The following ZNF827 variants were observed in gnomAD, a reference collection of about 807,000 sequenced individuals.
ZNF827 encodes the protein zinc finger protein 827.
ZNF827 carries 13 observed loss-of-function variants against 102.4 expected under a neutral mutation model. The observed-to-expected ratio is 0.13, with a 90% confidence interval of 0.08 to 0.20. The LOEUF is 0.20. Among genes scored for constraint, ZNF827 ranks in the 10% least tolerant of loss-of-function variants. ZNF827 has a pLI of 1.00. For missense variants in ZNF827, 1,103 were observed against 1,344.4 expected (o/e 0.82, Z 2.81); for synonymous variants, 523 against 536.2 (o/e 0.98, Z 0.34).
rs1336737851 is a variant in ZNF827, at chr4:145,760,693, CTGCTGGGGTTGTGTT to C, written c.*908_*922del. Reference sequence around the variant, plus strand: ...CTGTAGGTTTTGCAGCAACATACACCTGCTGGGGTTGTGTTTAAGTTTTGTGGTTTTTTTTTTTTT... The same window carrying C: ...CTGTAGGTTTTGCAGCAACATACACCTAAGTTTTGTGGTTTTTTTTTTTTT... On this transcript the variant is annotated 3_prime_UTR_variant, in exon 15 of 15. Coordinates refer to ENST00000508784, the MANE Select transcript of ZNF827 (RefSeq NM_001306215.2). 2.0e-6 allele frequency: 2 copies of C among 987,030 alleles called. No homozygotes were observed. Among genetic ancestry groups the C allele is most frequent in the Non-Finnish European group, 2.5e-6 (2 of 794,502 alleles). 61.1% of individuals were successfully genotyped at this position (987,030 alleles called of 1,614,324 possible). A position where few individuals can be genotyped will look rare whatever the true frequency, so the allele number is the denominator to read the frequency against.
intron 4 of ZNF827, 47 bp from the exon 5 acceptor site, chr4:145,870,525 C>G: frequency 1.3e-6 from 2 of 1,515,634 alleles, no homozygotes; most frequent in African/African-American, 2.7e-5. Flanking sequence ...AGGCCACTCC[C>G]CTCCTTAGCT....
At chr4:145,903,289 G>A (rs1190365779) in intron 1 of ZNF827, 74 bp from the exon 2 acceptor site, 22 of 1,505,362 alleles carry the variant, frequency 1.5e-5, no homozygotes, top group Non-Finnish European at 1.9e-5. Context: ...TCAAATGGAG[G>A]TGATGACATG....
intron 5 of ZNF827, among the ~76,000 whole-genome samples, chr4:145,853,783 T>A (rs1013412600): frequency 1.3e-5 from 2 of 151,990 alleles, no homozygotes; most frequent in Non-Finnish European, 2.9e-5. Flanking sequence ...CTGGCCAACA[T>A]GGCAAAACCC....
At chr4:145,796,684 C>T (rs1332650523) in intron 8 of ZNF827, among the ~76,000 whole-genome samples, 1 of 137,538 alleles carries the variant, frequency 7.3e-6, no homozygotes, top group African/African-American at 2.8e-5. Flanking sequence ...GGCTGGAGTG[C>T]AGTGGCACGA....
chr4:145,829,748 G>A (rs1298457956), intron 7 of ZNF827, among the ~76,000 whole-genome samples: 1 of 152,112 alleles, frequency 6.6e-6, no homozygotes, highest in Non-Finnish European at 1.5e-5. Flanking sequence ...CCCTCACCAG[G>A]TGGTTTTCTA....
rs568920462 is a variant in ZNF827, at chr4:145,842,800, G to A, written c.2279+3156C>T. On this transcript the variant is annotated intron_variant, in intron 7 of 14. Coordinates refer to ENST00000508784, the MANE Select transcript of ZNF827 (RefSeq NM_001306215.2). Reference sequence around the variant, plus strand: ...ATATACCTAGCTATTCTCAAAGTGCGAAAAATTCTGAACTTGATTCCAATC... The same window carrying A: ...ATATACCTAGCTATTCTCAAAGTGCAAAAAATTCTGAACTTGATTCCAATC... 2.0e-3 allele frequency among the ~76,000 whole-genome samples: 310 copies of A among 152,246 alleles called. 4 individuals are homozygous for A. Among genetic ancestry groups the A allele is most frequent in the African/African-American group, 6.4e-3 (266 of 41,538 alleles).
chr4:145,912,614 T>A (rs1012330708), intron 1 of ZNF827, among the ~76,000 whole-genome samples: 1 of 152,210 alleles, frequency 6.6e-6, no homozygotes, highest in Non-Finnish European at 1.5e-5. Context: ...TGGACTCAAA[T>A]CCAGTATGAC....
intron 1 of ZNF827, among the ~76,000 whole-genome samples, chr4:145,936,533 T>TTC (rs1754185518): frequency 6.6e-6 from 1 of 151,838 alleles, no homozygotes; most frequent in Non-Finnish European, 1.5e-5. Flanking sequence ...GAAAGAGGAA[T>TTC]GTTTGCGGAG....
intron 1 of ZNF827, among the ~76,000 whole-genome samples, chr4:145,910,492 G>A (rs1183065128): frequency 1.3e-5 from 2 of 152,016 alleles, no homozygotes; most frequent in African/African-American, 2.4e-5. Flanking sequence ...CTCGGATTCC[G>A]TTGGTTCTAC....
intron 8 of ZNF827, among the ~76,000 whole-genome samples, chr4:145,812,453 G>T (rs1237689341): frequency 1.3e-5 from 2 of 151,958 alleles, no homozygotes; most frequent in Non-Finnish European, 1.5e-5. Flanking sequence ...GTGAAAAAAC[G>T]AATATAGCCC....
At chr4:145,767,922 T>A (rs1424979191) in intron 11 of ZNF827, among the ~76,000 whole-genome samples, 1 of 152,154 alleles carries the variant, frequency 6.6e-6, no homozygotes, top group African/African-American at 2.4e-5. Context: ...ATGAAGAGGC[T>A]GGAAATAATA....
intron 6 of ZNF827, among the ~76,000 whole-genome samples, chr4:145,846,935 C>T (rs1232874460): frequency 6.7e-6 from 1 of 148,198 alleles, no homozygotes; most frequent in Non-Finnish European, 1.5e-5. Context: ...AGGTGGATCA[C>T]CTGAGGTCAG....
rs548064470 is a variant in ZNF827, at chr4:145,937,479, C to A, written c.43+886G>T. On this transcript the variant is annotated intron_variant, in intron 1 of 14. Coordinates refer to ENST00000508784, the MANE Select transcript of ZNF827 (RefSeq NM_001306215.2). Reference sequence around the variant, plus strand: ...TGCAGGGACCTCGCGCGCCGCGAGCCGCCCTGCCTCCTGCCTTCGCCTCGG... The same window carrying A: ...TGCAGGGACCTCGCGCGCCGCGAGCAGCCCTGCCTCCTGCCTTCGCCTCGG... Among the ~76,000 whole-genome samples the A allele has an allele frequency of 8.1e-3, 1,229 of 150,962 alleles. 11 individuals are homozygous for A. The highest frequency in any genetic ancestry group is 0.01 in the Non-Finnish European group (695 of 67,242).
Position 145,885,853 on chromosome 4 carries a change from C to A in ZNF827, c.1572G>T (p.Glu524Asp), listed in dbSNP as rs1242321872. Residue 524 changes from glutamate to aspartate, a missense_variant, in exon 4 of 15, where the codon GAG (glutamate) becomes GAT (aspartate). Physicochemically the swap from Glu to Asp is conservative, Grantham distance 45. This residue lies in a region of ZNF827 where 157 missense variants were observed against 211.7 expected (regional missense o/e 0.74). Transcript: ENST00000508784. ...GCAGGCCGTTATCTTCCTTGGGTTC[C>A]TCCTTCACCAGCAAAGGCGAGACGC... ...GAGVSPLLVK[E>D]EPKEDNGLPT... is the part of the protein sequence containing the mutation. The A allele has an allele frequency of 5.6e-6, 9 of 1,614,120 alleles. No individual in the cohort carries two copies. The highest frequency in any genetic ancestry group is 1.3e-5 in the African/African-American group (1 of 74,950).
At position 145,902,788 on chromosome 4, in the gene ZNF827, G is replaced by A. The variant is rs780084088; in HGVS notation, c.471C>T (p.Ser157=). 8.7e-6 allele frequency: 14 copies of A among 1,614,046 alleles called. No individual in the cohort carries two copies. Among genetic ancestry groups the A allele is most frequent in the African/African-American group, 1.3e-5 (1 of 74,914 alleles). Residue 157 remains serine (S), a synonymous_variant, in exon 2 of 15, where the codon TCC becomes TCT. Coordinates refer to ENST00000508784, the MANE Select transcript of ZNF827 (RefSeq NM_001306215.2). This position sits in a 1 kb window ranked among gnomAD's most constrained non-coding sequence, Gnocchi z 4.3. The stretch of plus-strand genomic sequence containing the variant: ...GCTGCTGGGCGTGGTGGGAAGGCGG[G>A]GAAAAGGAGAGGTTCGAGCCAACGT... The part of the protein sequence containing the change: ...PVNVGSNLSF[S]PPSHHAQQLS...
intron 8 of ZNF827, among the ~76,000 whole-genome samples, chr4:145,784,438 C>T (rs1738552459): frequency 6.6e-6 from 1 of 152,138 alleles, no homozygotes; most frequent in South Asian, 2.1e-4. Context: ...ACATTAGGTT[C>T]CACCTTTTGA....
intron 8 of ZNF827, among the ~76,000 whole-genome samples, chr4:145,811,545 A>G (rs1414930503): frequency 1.3e-5 from 2 of 152,202 alleles, no homozygotes; most frequent in African/African-American, 4.8e-5. Flanking sequence ...TGACAGCTGT[A>G]GAATGTTGTT....
chr4:145,787,893 G>A lies in ZNF827; in HGVS notation c.2384-8382C>T, dbSNP rs570944476. On this transcript the variant is annotated intron_variant, in intron 8 of 14. Coordinates refer to ENST00000508784, the MANE Select transcript of ZNF827 (RefSeq NM_001306215.2). ...ACATCTTGCACAGGGTCAAGTAACC[G>A]TTTCCACAGTAATTAAATCTCCATC... is the stretch of plus-strand genomic sequence containing the variant. Among the ~76,000 whole-genome samples the A allele has an allele frequency of 2.0e-5, 3 of 152,208 alleles. No homozygotes were observed. The East Asian group carries it at 5.8e-4, about 29-fold the overall frequency.
At chr4:145,924,380 A>G (rs555119192) in intron 1 of ZNF827, among the ~76,000 whole-genome samples, 47 of 152,372 alleles carry the variant, frequency 3.1e-4, no homozygotes, top group Non-Finnish European at 5.4e-4. Flanking sequence ...TTATATATGT[A>G]TAGATGTTAG....
Sources: gnomAD v4.1 joint callset for allele counts (sites outside exome capture counted in the v4.1 genomes callset) on GRCh38, gnomAD v4.1.1 for gene constraint, gnomAD v4.1.1 regional missense constraint, Gnocchi (gnomAD v3.1) non-coding constraint, MANE v1.5 for transcripts, NCBI Gene and HGNC (gene_info 2026-07-23, HGNC 2026-07-21) for gene names.